Variants in IGFN1 observed in about 807,000 individuals in gnomAD.
The protein encoded by IGFN1 is immunoglobulin like and fibronectin type III domain containing 1, also known as immunoglobulin-like and fibronectin type III domain-containing protein 1.
IGFN1 carries 253 observed loss-of-function variants against 289.5 expected under a neutral mutation model. The ratio of observed to expected loss-of-function variants is 0.87; its 90% confidence interval spans 0.79 to 0.97. The LOEUF is 0.97. IGFN1 is among the 50% of genes least tolerant of loss of function. The probability of loss-of-function intolerance (pLI) is 0.00; values close to 1 mark genes in which losing one functional copy is unlikely to be tolerated. For missense variants in IGFN1, 4,470 were observed against 4,686.1 expected (o/e 0.95, Z 1.35); for synonymous variants, 1,706 against 1,788.5 (o/e 0.95, Z 1.16).
At position 201,222,807 on chromosome 1, in the gene IGFN1, C is replaced by T. The variant is rs781677901; in HGVS notation, c.10270C>T (p.Arg3424Cys). The T allele has an allele frequency of 8.1e-6, 13 of 1,612,594 alleles. No homozygotes were observed. The highest frequency in any genetic ancestry group is 2.7e-5 in the African/African-American group (2 of 75,028). ...GACAGTCAAGGTCGGGGACACAGTTCGTGTGCCCGTCTCCTTTGAAGTGAG... is the reference window on the plus strand; with the variant it reads ...GACAGTCAAGGTCGGGGACACAGTTTGTGTGCCCGTCTCCTTTGAAGTGAG... ...LLTVKVGDTV[R>C]VPVSFEAMPM... Residue 3424 changes from arginine to cysteine, a missense_variant, in exon 20 of 24, where the codon CGT (arginine) becomes TGT (cysteine). Arg to Cys is a radical substitution (Grantham distance 180). Around this residue, in one of 8 missense-constraint regions of IGFN1, gnomAD observed 2,218 missense variants for 2,114.1 expected, o/e 1.05. Coordinates refer to ENST00000335211, the MANE Select transcript of IGFN1 (RefSeq NM_001164586.2).
rs1476513602 is a variant in IGFN1 at position 201,212,918 on chromosome 1, G to A, written c.8025G>A (p.Glu2675=). 6.4e-7 allele frequency: 1 copy of A among 1,551,408 alleles called. No individual in the cohort carries two copies. The highest frequency in any genetic ancestry group is 8.7e-7 in the Non-Finnish European group (1 of 1,146,982). The change falls in exon 12 of 24, where the codon GAG becomes GAA. Residue 2675 remains glutamate (E), a synonymous_variant. Transcript: ENST00000335211. ...GGCCAGGGGGCTTTAAGGGTGGGGA[G>A]GGTGCACCAGGCCAAGAGGCGGCTG... ...HEGPGGFKGG[E]GAPGQEAAGG...
Position 201,227,026 on chromosome 1 carries a change from A to G in IGFN1, c.10931A>G (p.His3644Arg), listed in dbSNP as rs755915827. The G allele has an allele frequency of 6.8e-6, 11 of 1,613,490 alleles. No individual in the cohort carries two copies. Among genetic ancestry groups the G allele is most frequent in the Middle Eastern group, 1.6e-4 (1 of 6,062 alleles). ...SCAVQGSPRPHVTWFKNDRSL... is the reference protein window; with the variant it reads ...SCAVQGSPRPRVTWFKNDRSL... The stretch of plus-strand genomic sequence containing the variant: ...GCCGTGCAGGGCTCGCCCCGGCCCC[A>G]CGTCACCTGGTTCAAGAATGACCGC... Residue 3644 changes from histidine (H) to arginine (R), a missense_variant, in exon 23 of 24, where the codon CAC (histidine) becomes CGC (arginine). Physicochemically the swap from His to Arg is conservative, Grantham distance 29 (BLOSUM62 0). Around this residue, in one of 8 missense-constraint regions of IGFN1, gnomAD observed 2,218 missense variants for 2,114.1 expected, o/e 1.05. Transcript: ENST00000335211.
At chr1:201,216,384 G>A (rs1215948946) in intron 15 of IGFN1, 70 bp from the exon 16 acceptor site, 9 of 1,286,068 alleles carry the variant, frequency 7.0e-6, no homozygotes, top group Non-Finnish European at 8.3e-6. Flanking sequence ...GGGGAGTTGG[G>A]GGGGTTGGCG....
Position 201,228,590 on chromosome 1 carries a change from C to A in IGFN1, c.*191C>A, listed in dbSNP as rs1016839473. The A allele has an allele frequency of 1.6e-5, 10 of 640,702 alleles. No individual in the cohort carries two copies. Among genetic ancestry groups the A allele is most frequent in the Non-Finnish European group, 2.8e-5 (10 of 354,832 alleles). The allele number at this position is 640,702 out of a possible 1,614,324, so 39.7% of individuals were successfully genotyped here. On this transcript the variant is annotated 3_prime_UTR_variant, in exon 24 of 24. Transcript: ENST00000335211. ...GGGGAAGAAAAACAAGGGAGGAGGGCATTCCACCTCCTGGCTCCAAGCTAA... is the reference window on the plus strand; with the variant it reads ...GGGGAAGAAAAACAAGGGAGGAGGGAATTCCACCTCCTGGCTCCAAGCTAA...
At chr1:201,224,312 G>A (rs970168184) in intron 20 of IGFN1, among the ~76,000 whole-genome samples, 3 of 152,126 alleles carry the variant, frequency 2.0e-5, no homozygotes, top group African/African-American at 7.2e-5. Flanking sequence ...CCCCTGCCAT[G>A]TGAATCCAGA....
chr1:201,203,629 G>T, intron 9 of IGFN1, 109 bp from the exon 10 acceptor site: 1 of 988,244 alleles, frequency 1.0e-6, no homozygotes, highest in Non-Finnish European at 1.5e-6. Flanking sequence ...TCTGTTGTCT[G>T]GCGACTGGGC....
At position 201,211,458 on chromosome 1, in the gene IGFN1, G is replaced by T; in HGVS notation, c.6565G>T (p.Gly2189Cys). The T allele has an allele frequency of 6.7e-7, 1 of 1,500,736 alleles. No homozygotes were observed. The highest frequency in any genetic ancestry group is 1.2e-5 in the South Asian group (1 of 80,374). 93.0% of individuals were successfully genotyped at this position (1,500,736 alleles called of 1,614,324 possible). Residue 2189 changes from glycine to cysteine, a missense_variant, in exon 12 of 24, where the codon GGT (glycine) becomes TGT (cysteine). Physicochemically the swap from Gly to Cys is radical, Grantham distance 159. Coordinates refer to ENST00000335211, the MANE Select transcript of IGFN1 (RefSeq NM_001164586.2). The part of the protein sequence containing the change: ...RKDLGAPEGM[G>C]SGSKAGFRDG... Reference sequence around the variant, plus strand: ...GGATTTGGGAGCTCCTGAGGGAATGGGTTCAGGGAGTAAGGCAGGTTTCAG... The same window carrying T: ...GGATTTGGGAGCTCCTGAGGGAATGTGTTCAGGGAGTAAGGCAGGTTTCAG...
rs1667791154 is a variant in IGFN1, at chr1:201,211,459, G to A, written c.6566G>A (p.Gly2189Asp). Residue 2189 changes from glycine to aspartate, a missense_variant, in exon 12 of 24, where the codon GGT (glycine) becomes GAT (aspartate). By Grantham distance (94) the Gly-to-Asp change is moderately conservative. Coordinates refer to ENST00000335211, the MANE Select transcript of IGFN1 (RefSeq NM_001164586.2). ...GATTTGGGAGCTCCTGAGGGAATGG[G>A]TTCAGGGAGTAAGGCAGGTTTCAGG... The part of the protein sequence containing the change: ...RKDLGAPEGM[G>D]SGSKAGFRDG... 2.0e-6 allele frequency: 3 copies of A among 1,500,642 alleles called. No homozygotes were observed. The highest frequency in any genetic ancestry group is 1.4e-5 in the African/African-American group (1 of 71,180). 93.0% of individuals were successfully genotyped at this position (1,500,642 alleles called of 1,614,324 possible). A position where few individuals can be genotyped will look rare whatever the true frequency, so the allele number is the denominator to read the frequency against.
chr1:201,224,983 T>A, intron 21 of IGFN1, 109 bp downstream of exon 21: 1 of 751,082 alleles, frequency 1.3e-6, no homozygotes, highest in Non-Finnish European at 2.1e-6. Flanking sequence ...CAGGGCTGGG[T>A]ATGCAAAGTG....
At position 201,199,437 on chromosome 1, in the gene IGFN1, C is replaced by T. The variant is rs1667055344; in HGVS notation, c.412+59C>T. ...CTGTGGGGGATAGGCTACTCCTTTC[C>T]TGGTGTTCCCTGCCTGGTTGAGCTA... On this transcript the variant is annotated intron_variant, in intron 6 of 23. Transcript: ENST00000335211. 7.3e-6 allele frequency: 11 copies of T among 1,498,384 alleles called. No homozygotes were observed. In the South Asian group the frequency reaches 1.1e-4, roughly 15 times the overall value. The allele number at this position is 1,498,384 out of a possible 1,614,324, so 92.8% of individuals were successfully genotyped here. A position where few individuals can be genotyped will look rare whatever the true frequency, so the allele number is the denominator to read the frequency against.
rs1323630432 is a variant in IGFN1 at position 201,221,562 on chromosome 1, G to T, written c.10017G>T (p.Glu3339Asp). Residue 3339 changes from glutamate (E) to aspartate (D), a missense_variant, in exon 19 of 24, where the codon GAG becomes GAT. By Grantham distance (45) the Glu-to-Asp change is conservative. This residue lies in a region of IGFN1 where 2,218 missense variants were observed against 2,114.1 expected (regional missense o/e 1.05). Coordinates refer to ENST00000335211, the MANE Select transcript of IGFN1 (RefSeq NM_001164586.2). ...EGDEAQGYVV[E>D]LCSSDSLQWL... ...ATGAAGCCCAGGGGTATGTGGTGGA[G>T]CTGTGCAGCTCAGACAGTCTCCAGT... 18 of 1,614,106 alleles carry T rather than the reference G, an allele frequency of 1.1e-5. No homozygotes were observed. The South Asian group carries it at 2.0e-4, about 18-fold the overall frequency.
In IGFN1 at chr1:201,207,612, G is replaced by T. The variant is rs1345368349; in HGVS notation, c.2719G>T (p.Asp907Tyr). Residue 907 changes from aspartate (D) to tyrosine (Y), a missense_variant, in exon 12 of 24, where the codon GAT becomes TAT. By Grantham distance (160) the Asp-to-Tyr change is radical. Coordinates refer to ENST00000335211, the MANE Select transcript of IGFN1 (RefSeq NM_001164586.2). ...TCAGGGATCTGGGGGGACACTAGGA[G>T]ATAAGAAAGGATTAAGAGGTCCTGG... ...GAQGSGGTLG[D>Y]KKGLRGPGSI... 5 of 1,536,962 alleles carry T rather than the reference G, an allele frequency of 3.3e-6. No individual in the cohort carries two copies. Among genetic ancestry groups the T allele is most frequent in the Non-Finnish European group, 4.4e-6 (5 of 1,146,888 alleles).
In IGFN1 at chr1:201,212,298, G is replaced by C. The variant is rs747376232; in HGVS notation, c.7405G>C (p.Gly2469Arg). Residue 2469 changes from glycine to arginine, a missense_variant, in exon 12 of 24, where the codon GGC (glycine) becomes CGC (arginine). Physicochemically the swap from Gly to Arg is moderately radical, Grantham distance 125. Coordinates refer to ENST00000335211, the MANE Select transcript of IGFN1 (RefSeq NM_001164586.2). The stretch of plus-strand genomic sequence containing the variant: ...GCGAGGCTCCACCAAAGATCTTGGG[G>C]GCTATGGAACTTCAGGGATCCCTGA... The part of the protein sequence containing the change: ...DERGSTKDLG[G>R]YGTSGIPEAS... 3.9e-6 allele frequency: 6 copies of C among 1,536,450 alleles called. No individual in the cohort carries two copies. The South Asian group carries it at 7.1e-5, about 18-fold the overall frequency.
intron 16 of IGFN1, 120 bp downstream of exon 16, chr1:201,216,873 C>A (rs1653342637): frequency 2.6e-6 from 2 of 780,552 alleles, no homozygotes; most frequent in Non-Finnish European, 4.1e-6. Context: ...TTCGGAGGCC[C>A]TTCTGTAGCA....
Position 201,206,721 on chromosome 1 carries a change from C to G in IGFN1, c.1828C>G (p.Leu610Val). The change falls in exon 12 of 24, where the codon CTG becomes GTG. Residue 610 changes from leucine to valine, a missense_variant. Physicochemically the swap from Leu to Val is conservative, Grantham distance 32. Coordinates refer to ENST00000335211, the MANE Select transcript of IGFN1 (RefSeq NM_001164586.2). ...RLGPGRGKSD[L>V]QGCQSDPVGS... ...GGGACCTGGGAGAGGAAAGAGCGAC[C>G]TGCAGGGATGCCAGTCTGATCCTGT... 1 of 1,536,784 alleles carries G rather than the reference C, an allele frequency of 6.5e-7. No individual in the cohort carries two copies. The highest frequency in any genetic ancestry group is 2.0e-5 in the Admixed American group (1 of 50,978).
At position 201,206,521 on chromosome 1, in the gene IGFN1, G is replaced by A. The variant is rs374460131; in HGVS notation, c.1628G>A (p.Arg543His). Residue 543 changes from arginine to histidine, a missense_variant, in exon 12 of 24, where the codon CGT becomes CAT. By Grantham distance (29) the Arg-to-His change is conservative. Around this residue, in one of 8 missense-constraint regions of IGFN1, gnomAD observed 2,011 missense variants for 1,953.4 expected, o/e 1.03. Coordinates refer to ENST00000335211, the MANE Select transcript of IGFN1 (RefSeq NM_001164586.2). ...CTCCCAGAAAAACAACAGCAAGATC[G>A]TGGCAGAGACAGCAACAGTGATGAA... ...LGLPEKQQQD[R>H]GRDSNSDECW... The A allele has an allele frequency of 4.1e-4, 639 of 1,551,290 alleles. 2 individuals carry two copies. The highest frequency in any genetic ancestry group is 6.9e-4 in the Admixed American group (35 of 51,006).
intron 15 of IGFN1, 30 bp downstream of exon 15, chr1:201,215,868 C>T (rs760112325): frequency 1.9e-6 from 3 of 1,597,248 alleles, no homozygotes; most frequent in Non-Finnish European, 2.6e-6. Context: ...CCAACTAAGG[C>T]CTGAGAGTCC....
At position 201,211,467 on chromosome 1, in the gene IGFN1, A is replaced by T. The variant is rs1301276176; in HGVS notation, c.6574A>T (p.Ser2192Cys). The change falls in exon 12 of 24, where the codon AGT (serine) becomes TGT (cysteine). Residue 2192 changes from serine to cysteine, a missense_variant. By Grantham distance (112) the Ser-to-Cys change is moderately radical. Transcript: ENST00000335211. The part of the protein sequence containing the change: ...LGAPEGMGSG[S>C]KAGFRDGLGG... Reference sequence around the variant, plus strand: ...AGCTCCTGAGGGAATGGGTTCAGGGAGTAAGGCAGGTTTCAGGGATGGTTT... The same window carrying T: ...AGCTCCTGAGGGAATGGGTTCAGGGTGTAAGGCAGGTTTCAGGGATGGTTT... 33 of 1,499,804 alleles carry T rather than the reference A, an allele frequency of 2.2e-5. No homozygotes were observed. Among genetic ancestry groups the T allele is most frequent in the Non-Finnish European group, 2.9e-5 (33 of 1,125,348 alleles). 92.9% of individuals were successfully genotyped at this position (1,499,804 alleles called of 1,614,324 possible).
chr1:201,194,259 C>G lies in IGFN1; in HGVS notation c.113C>G (p.Ser38Trp). 1 of 1,551,452 alleles carries G rather than the reference C, an allele frequency of 6.4e-7. No homozygotes were observed. The highest frequency in any genetic ancestry group is 8.7e-7 in the Non-Finnish European group (1 of 1,146,892). Residue 38 changes from serine to tryptophan, a missense_variant, in exon 3 of 24, where the codon TCG becomes TGG. This residue lies in a region of IGFN1 where 2,011 missense variants were observed against 1,953.4 expected (regional missense o/e 1.03). Coordinates refer to ENST00000335211, the MANE Select transcript of IGFN1 (RefSeq NM_001164586.2). ...TPDFEQKPVT[S>W]ALPEGKNAVF... The stretch of plus-strand genomic sequence containing the variant: ...GACTTTGAGCAGAAGCCCGTCACCT[C>G]GGCTCTGCCAGAGGGTGAGCCCAGA...
Sources: gnomAD v4.1 joint callset for allele counts (sites outside exome capture counted in the v4.1 genomes callset) on GRCh38, gnomAD v4.1.1 for gene constraint, gnomAD v4.1.1 regional missense constraint, MANE v1.5 for transcripts, NCBI Gene and HGNC (gene_info 2026-07-23, HGNC 2026-07-21) for gene names.